ADGRA3: variants seen among roughly 807,000 people sequenced by gnomAD.
ADGRA3 encodes the protein G-protein coupled receptor 125.
ADGRA3 carries 56 observed loss-of-function variants against 119.8 expected under a neutral mutation model. That is an observed-to-expected ratio of 0.47 (90% confidence interval 0.38 to 0.58). The LOEUF is 0.58. ADGRA3 is among the 20% of genes least tolerant of loss of function. The pLI is 0.00. For missense variants in ADGRA3, 1,516 were observed against 1,649.0 expected (o/e 0.92, Z 1.40); for synonymous variants, 607 against 623.8 (o/e 0.97, Z 0.40).
chr4:22,464,713 T>C (rs1009548368), intron 2 of ADGRA3, among the ~76,000 whole-genome samples: 3 of 152,166 alleles, frequency 2.0e-5, no homozygotes, highest in African/African-American at 2.4e-5. Flanking sequence ...GTAAAGGGCA[T>C]GAATGGCCAT....
chr4:22,402,770 C>T lies in ADGRA3; in HGVS notation c.2262G>A (p.Gln754=). Residue 754 remains glutamine, a synonymous_variant, in exon 15 of 19, where the codon CAG becomes CAA. Transcript: ENST00000334304. ...CCACAGGATGCAGGAGGCTGGCCGC[C>T]TGGGTGTATAGTTCAGATCCCGTCA... ...MDLTGSELYT[Q]AASLLHPVVY... is the part of the protein sequence containing the mutation. 1 of 1,613,734 alleles carries T rather than the reference C, an allele frequency of 6.2e-7. No homozygotes were observed. Among genetic ancestry groups the T allele is most frequent in the Non-Finnish European group, 8.5e-7 (1 of 1,179,768 alleles).
Position 22,515,732 on chromosome 4 carries a change from G to GCGCTAACAGCGAGAGCC in ADGRA3, c.52_53insGGCTCTCGCTGTTAGCG (p.Pro18ArgfsTer11), listed in dbSNP as rs1719641921. On this transcript the variant is annotated frameshift_variant, in exon 1 of 19. Coordinates refer to ENST00000334304, the MANE Select transcript of ADGRA3 (RefSeq NM_145290.4). LOFTEE classifies it high-confidence loss of function. ...CGCGAGCAGCGCTAACAGCGAGAGCGGCAGCAACAGCGGCGGCTGCGCGCG... is the reference window on the plus strand; with the variant it reads ...CGCGAGCAGCGCTAACAGCGAGAGCGCGCTAACAGCGAGAGCCGCAGCAACAGCGGCGGCTGCGCGCG... 1 of 1,046,796 alleles carries GCGCTAACAGCGAGAGCC rather than the reference G, an allele frequency of 9.6e-7. No homozygotes were observed. Among genetic ancestry groups the GCGCTAACAGCGAGAGCC allele is most frequent in the Non-Finnish European group, 1.1e-6 (1 of 874,748 alleles). The allele number at this position is 1,046,796 out of a possible 1,614,324, so 64.8% of individuals were successfully genotyped here. A position where few individuals can be genotyped will look rare whatever the true frequency, so the allele number is the denominator to read the frequency against.
At chr4:22,465,826 C>G (rs143059430) in intron 2 of ADGRA3, among the ~76,000 whole-genome samples, 12 of 152,228 alleles carry the variant, frequency 7.9e-5, no homozygotes, top group African/African-American at 2.9e-4. Flanking sequence ...ACAGGTAAAC[C>G]AAACACACTG....
intron 2 of ADGRA3, among the ~76,000 whole-genome samples, chr4:22,472,026 G>C (rs1040685490): frequency 2.0e-5 from 3 of 152,120 alleles, no homozygotes; most frequent in Non-Finnish European, 4.4e-5. Context: ...TTTTTATGGT[G>C]TGCATGAACA....
intron 2 of ADGRA3, among the ~76,000 whole-genome samples, chr4:22,462,749 C>T (rs1469503751): frequency 1.3e-5 from 2 of 152,206 alleles, no homozygotes; most frequent in Non-Finnish European, 2.9e-5. Flanking sequence ...CTATTCTTCT[C>T]AAGTATGCTG....
rs59015584 is a variant in ADGRA3, at chr4:22,513,845, C to CAAAAAAAAAAA, written c.257+1672_257+1682dup. On this transcript the variant is annotated intron_variant, in intron 1 of 18. Coordinates refer to ENST00000334304, the MANE Select transcript of ADGRA3 (RefSeq NM_145290.4). ...TATTTTCATCTAAAAAGCTTTCAGG[C>CAAAAAAAAAAA]AAAAAAAAAAAAAAAAAAAAAAAAA... 1.4e-3 allele frequency among the ~76,000 whole-genome samples: 45 copies of CAAAAAAAAAAA among 31,472 alleles called. 1 individual carries two copies. Among genetic ancestry groups the CAAAAAAAAAAA allele is most frequent in the African/African-American group, 4.2e-3 (43 of 10,138 alleles). 20.6% of individuals were successfully genotyped at this position (31,472 alleles called of 152,430 possible). A position where few individuals can be genotyped will look rare whatever the true frequency, so the allele number is the denominator to read the frequency against.
chr4:22,435,574 TTA>T, intron 9 of ADGRA3, 108 bp from the exon 10 acceptor site: 1 of 1,014,294 alleles, frequency 9.9e-7, no homozygotes, highest in Non-Finnish European at 1.4e-6. Context: ...ATTAAAAACT[TTA>T]TTATTTACTC....
intron 1 of ADGRA3, among the ~76,000 whole-genome samples, chr4:22,482,133 T>C (rs986334436): frequency 6.6e-6 from 1 of 152,168 alleles, no homozygotes; most frequent in Non-Finnish European, 1.5e-5. Context: ...TGTCAAGAAA[T>C]GTTTTGCCTT....
intron 1 of ADGRA3, among the ~76,000 whole-genome samples, chr4:22,510,225 T>C (rs1719403553): frequency 6.6e-6 from 1 of 152,062 alleles, no homozygotes; most frequent in Non-Finnish European, 1.5e-5. Flanking sequence ...TGTGCTCCCA[T>C]CCCACTTCTC....
intron 1 of ADGRA3, among the ~76,000 whole-genome samples, chr4:22,481,507 G>A (rs1718260363): frequency 6.6e-6 from 1 of 152,142 alleles, no homozygotes; most frequent in African/African-American, 2.4e-5. Flanking sequence ...CATGAAACTT[G>A]TATGAAATTC....
In ADGRA3 at chr4:22,387,783, C is replaced by A. The variant is rs2108987936; in HGVS notation, c.3888G>T (p.Gly1296=). ...CGGTACCGAGCAAGGGTCCCTCCTG[C>A]CCATTGCTTTTAATTGGTCCATTCT... ...AIQNGPIKSN[G]QEGPLLGTDS... is the part of the protein sequence containing the mutation. Residue 1296 remains glycine (G), a synonymous_variant, in exon 19 of 19, where the codon GGG becomes GGT. Transcript: ENST00000334304. 3 of 1,614,032 alleles carry A rather than the reference C, an allele frequency of 1.9e-6. No individual in the cohort carries two copies. The highest frequency in any genetic ancestry group is 2.7e-5 in the African/African-American group (2 of 75,036).
chr4:22,398,104 T>C, intron 16 of ADGRA3: 1 of 985,392 alleles, frequency 1.0e-6, no homozygotes, highest in African/African-American at 1.7e-5. Context: ...TCTGACTTCT[T>C]GTAGGCAGTT....
intron 2 of ADGRA3, among the ~76,000 whole-genome samples, chr4:22,466,237 C>T (rs1717652869): frequency 1.3e-5 from 2 of 152,136 alleles, no homozygotes; most frequent in African/African-American, 4.8e-5. Flanking sequence ...TAACACTCAC[C>T]CTGTCTCTCT....
rs754627253 is a variant in ADGRA3 at position 22,442,836 on chromosome 4, T to C, written c.734A>G (p.Tyr245Cys). The C allele has an allele frequency of 2.5e-6, 4 of 1,613,098 alleles. No homozygotes were observed. The highest frequency in any genetic ancestry group is 1.7e-5 in the Admixed American group (1 of 59,966). ...CDPPLELPSF[Y>C]MTPSHRQVVF... ...AACTTGGCGATGAGATGGAGTCATG[T>C]AGAAAGACGGCAATTCAAGCGGAGG... The change falls in exon 7 of 19, where the codon TAC becomes TGC. Residue 245 changes from tyrosine (Y) to cysteine (C), a missense_variant. Physicochemically the swap from Tyr to Cys is radical, Grantham distance 194 (BLOSUM62 -2). Transcript: ENST00000334304.
chr4:22,422,088 T>A (rs1447623488), intron 11 of ADGRA3, among the ~76,000 whole-genome samples: 1 of 151,710 alleles, frequency 6.6e-6, no homozygotes, highest in Non-Finnish European at 1.5e-5. Context: ...GAGGACAGAG[T>A]GGGCGTGAGA....
At chr4:22,502,811 G>A (rs1032039019) in intron 1 of ADGRA3, among the ~76,000 whole-genome samples, 1 of 148,346 alleles carries the variant, frequency 6.7e-6, no homozygotes, top group Non-Finnish European at 1.5e-5. Context: ...TTGTTATGTT[G>A]CTTTGAAGAG....
chr4:22,453,533 CCCT>C (rs1435189293), intron 4 of ADGRA3, among the ~76,000 whole-genome samples: 1 of 152,114 alleles, frequency 6.6e-6, no homozygotes. Flanking sequence ...TCATTTAAGC[CCCT>C]AATTGGTTTT....
At chr4:22,445,907 C>G (rs1716813522) in intron 5 of ADGRA3, among the ~76,000 whole-genome samples, 1 of 152,192 alleles carries the variant, frequency 6.6e-6, no homozygotes, top group African/African-American at 2.4e-5. Context: ...CTCTTAAATA[C>G]TATAATTACT....
At chr4:22,433,554 G>A (rs1432064910) in intron 10 of ADGRA3, among the ~76,000 whole-genome samples, 2 of 152,062 alleles carry the variant, frequency 1.3e-5, no homozygotes, top group African/African-American at 4.8e-5. Context: ...ACCCGTCAAC[G>A]CAGCCGACCA....
Sources: gnomAD v4.1 joint callset for allele counts (sites outside exome capture counted in the v4.1 genomes callset) on GRCh38, gnomAD v4.1.1 for gene constraint, MANE v1.5 for transcripts, NCBI Gene and HGNC (gene_info 2026-07-23, HGNC 2026-07-21) for gene names.